The following CHD9 variants were observed in gnomAD, a reference collection of about 807,000 sequenced individuals.
CHD9 encodes the protein chromodomain helicase DNA binding protein 9.
CHD9 carries 77 observed loss-of-function variants against 316.1 expected under a neutral mutation model. That is an observed-to-expected ratio of 0.24 (90% CI 0.20 to 0.29). CHD9 has a LOEUF of 0.29. CHD9 is among the 10% of genes least tolerant of loss of function. The pLI, the probability that CHD9 is intolerant of heterozygous loss-of-function variation, is 1.00. For missense variants in CHD9, 2,763 were observed against 3,438.1 expected (o/e 0.80, Z 4.91); for synonymous variants, 1,129 against 1,158.3 (o/e 0.97, Z 0.51).
chr16:53,273,538 C>G lies in CHD9; in HGVS notation c.4718-88C>G, dbSNP rs139895975. 398 of 955,768 alleles carry G rather than the reference C, an allele frequency of 4.2e-4. 2 individuals are homozygous for G. In the African/African-American group the frequency reaches 6.3e-3, roughly 15 times the overall value. The allele number at this position is 955,768 out of a possible 1,614,324, so 59.2% of individuals were successfully genotyped here. A position where few individuals can be genotyped will look rare whatever the true frequency, so the allele number is the denominator to read the frequency against. Reference sequence around the variant, plus strand: ...GATCTCTGAACAGACCTCAGAAAGTCTCCAGAAATTTCTTGCATTGAAACA... The same window carrying G: ...GATCTCTGAACAGACCTCAGAAAGTGTCCAGAAATTTCTTGCATTGAAACA... On this transcript the variant is annotated intron_variant, in intron 22 of 38. Transcript: ENST00000447540.
At chr16:53,292,209 C>T (rs2054397388) in intron 28 of CHD9, among the ~76,000 whole-genome samples, 1 of 152,178 alleles carries the variant, frequency 6.6e-6, no homozygotes, top group South Asian at 2.1e-4. Context: ...CTCACTCCCA[C>T]CAGCATCCCA....
intron 20 of CHD9, among the ~76,000 whole-genome samples, chr16:53,266,530 C>G (rs1280340260): frequency 1.3e-5 from 2 of 152,154 alleles, no homozygotes; most frequent in Non-Finnish European, 2.9e-5. Context: ...AGTATCACTA[C>G]TTTGTGACAT....
chr16:53,094,891 A>C (rs2036252287), intron 1 of CHD9, among the ~76,000 whole-genome samples: 1 of 152,110 alleles, frequency 6.6e-6, no homozygotes, highest in Non-Finnish European at 1.5e-5. Flanking sequence ...TGCCCGCCTC[A>C]GTCTCCCAAA....
At chr16:53,178,716 G>T (rs1332302221) in intron 2 of CHD9, among the ~76,000 whole-genome samples, 1 of 152,008 alleles carries the variant, frequency 6.6e-6, no homozygotes, top group African/African-American at 2.4e-5. Flanking sequence ...TCCTGCCTTG[G>T]CCTCCCAAAG....
chr16:53,288,323 G>A (rs1488720544), intron 27 of CHD9, among the ~76,000 whole-genome samples: 1 of 152,118 alleles, frequency 6.6e-6, no homozygotes, highest in Non-Finnish European at 1.5e-5. Context: ...AGGAGAGTGA[G>A]AACTAGATAC....
chr16:53,290,930 G>C (rs188175545), intron 27 of CHD9, among the ~76,000 whole-genome samples: 35 of 152,318 alleles, frequency 2.3e-4, no homozygotes. Context: ...TCCAGAAGGA[G>C]AGACTAGAGA....
rs540526963 is a variant in CHD9, at chr16:53,112,989, G to A, written c.-164-42937G>A. On this transcript the variant is annotated intron_variant, in intron 1 of 38. Coordinates refer to ENST00000447540, the MANE Select transcript of CHD9 (RefSeq NM_001308319.2). ...TGCACTCCAGCCTAGGTGACAGAGC[G>A]AGACCCTCTAAAGACAAAACAAAAC... Among the ~76,000 whole-genome samples, 255 of 152,248 alleles carry A rather than the reference G, an allele frequency of 1.7e-3. 2 individuals are homozygous for A. Among genetic ancestry groups the A allele is most frequent in the African/African-American group, 6.0e-3 (250 of 41,548 alleles).
intron 17 of CHD9, among the ~76,000 whole-genome samples, chr16:53,252,664 A>G (rs371072391): frequency 2.3e-4 from 35 of 151,884 alleles, no homozygotes; most frequent in African/African-American, 7.2e-4. Context: ...ACCAAGTGCT[A>G]ATATCCAGAA....
intron 37 of CHD9, chr16:53,320,048 C>T (rs770393930): frequency 1.9e-5 from 4 of 211,860 alleles, no homozygotes; most frequent in Non-Finnish European, 3.3e-5. Context: ...TGGTGGTGCA[C>T]ACCTGTAGTC....
intron 2 of CHD9, among the ~76,000 whole-genome samples, chr16:53,202,863 A>C (rs555125380): frequency 6.6e-6 from 1 of 152,216 alleles, no homozygotes. Context: ...ATTTGTGAGC[A>C]TGGTAGTTCA....
At chr16:53,101,536 T>A (rs961623966) in intron 1 of CHD9, among the ~76,000 whole-genome samples, 1 of 152,142 alleles carries the variant, frequency 6.6e-6, no homozygotes, top group African/African-American at 2.4e-5. Context: ...CTGCCTGGTG[T>A]ACAGTGGGTG....
At chr16:53,072,967 T>TTATA (rs2034231488) in intron 1 of CHD9, among the ~76,000 whole-genome samples, 1 of 152,144 alleles carries the variant, frequency 6.6e-6, no homozygotes, top group African/African-American at 2.4e-5. Context: ...AGTGCTGAGA[T>TTATA]TATAGGCTTC....
intron 19 of CHD9, among the ~76,000 whole-genome samples, chr16:53,261,544 T>G (rs2051130858): frequency 6.6e-6 from 1 of 151,918 alleles, no homozygotes; most frequent in African/African-American, 2.4e-5. Flanking sequence ...AGGCTAATTT[T>G]AAAAGAAATT....
chr16:53,061,099 G>A (rs539132349), intron 1 of CHD9, among the ~76,000 whole-genome samples: 1 of 152,012 alleles, frequency 6.6e-6, no homozygotes, highest in South Asian at 2.1e-4. Flanking sequence ...GCTAATTTTT[G>A]TGTATTTAGT....
chr16:53,238,210 TG>T, intron 11 of CHD9, 132 bp from the exon 12 acceptor site: 1 of 789,676 alleles, frequency 1.3e-6, no homozygotes. Context: ...AAGCCTACCC[TG>T]CACTTAAGCA....
chr16:53,198,488 G>A (rs985934831), intron 2 of CHD9, among the ~76,000 whole-genome samples: 7 of 151,704 alleles, frequency 4.6e-5, no homozygotes, highest in Non-Finnish European at 7.4e-5. Flanking sequence ...CACCACACCC[G>A]GCTAATTTTT....
chr16:53,311,443 A>C (rs1185158173), intron 34 of CHD9: 1 of 152,214 alleles, frequency 6.6e-6, no homozygotes, highest in Non-Finnish European at 1.5e-5. Context: ...CAATGTATAT[A>C]AAGTGGCCAA....
Position 53,210,801 on chromosome 16 carries a change from A to C in CHD9, c.1784+988A>C, listed in dbSNP as rs2046272549. Among the ~76,000 whole-genome samples, 3 of 152,210 alleles carry C rather than the reference A, an allele frequency of 2.0e-5. No homozygotes were observed. In the South Asian group the frequency reaches 6.2e-4, roughly 31 times the overall value. ...AATCAAATGAATTCTTAGCATTTTAAATGTAACCGCCAAATTATTTAGTTT... is the reference window on the plus strand; with the variant it reads ...AATCAAATGAATTCTTAGCATTTTACATGTAACCGCCAAATTATTTAGTTT... On this transcript the variant is annotated intron_variant, in intron 3 of 38. Coordinates refer to ENST00000447540, the MANE Select transcript of CHD9 (RefSeq NM_001308319.2).
Position 53,245,844 on chromosome 16 carries a change from A to T in CHD9, c.3448A>T (p.Ile1150Leu). 1 of 1,504,794 alleles carries T rather than the reference A, an allele frequency of 6.6e-7. No homozygotes were observed. The highest frequency in any genetic ancestry group is 8.9e-7 in the Non-Finnish European group (1 of 1,128,334). The allele number at this position is 1,504,794 out of a possible 1,614,324, so 93.2% of individuals were successfully genotyped here. A position where few individuals can be genotyped will look rare whatever the true frequency, so the allele number is the denominator to read the frequency against. ...LRKCCNHPYL[I>L]KGAEEKILGE... ...GAAATGTTGTAATCATCCATATCTTATAAAAGGTAGCTAAAAAAGATTACA... is the reference window on the plus strand; with the variant it reads ...GAAATGTTGTAATCATCCATATCTTTTAAAAGGTAGCTAAAAAAGATTACA... Residue 1150 changes from isoleucine (I) to leucine (L), a missense_variant, in exon 15 of 39, where the codon ATA becomes TTA. By Grantham distance (5) the Ile-to-Leu change is conservative. This residue lies in a region of CHD9 where 155 missense variants were observed against 291.8 expected (regional missense o/e 0.53). Transcript: ENST00000447540. This position sits in a 1 kb window ranked among gnomAD's most constrained non-coding sequence, Gnocchi z 4.1.
Sources: allele counts gnomAD v4.1 joint callset (sites outside exome capture counted in the v4.1 genomes callset), GRCh38; gene constraint gnomAD v4.1.1; regional missense constraint gnomAD v4.1.1; non-coding constraint Gnocchi (gnomAD v3.1); transcripts MANE v1.5; gene names NCBI Gene and HGNC (gene_info 2026-07-23, HGNC 2026-07-21).